The following ATOSA variants were observed in gnomAD, a reference collection of about 807,000 sequenced individuals.
The protein encoded by ATOSA is atos homolog protein A.
chr15:52,705,741 A>C, the ATOSA span, among the ~76,000 whole-genome samples: 1 of 152,168 alleles, frequency 6.6e-6, no homozygotes, highest in Non-Finnish European at 1.5e-5. Context: ...TGTCAATAGC[A>C]CCAACACCCC....
At chr15:52,613,542 T>C in the ATOSA span, 3 of 1,140,150 alleles carry the variant, frequency 2.6e-6, no homozygotes, top group Non-Finnish European at 3.6e-6. Context: ...AGGATTTGGA[T>C]TTTTTCCCTT....
the ATOSA span, among the ~76,000 whole-genome samples, chr15:52,680,183 A>G: frequency 0.023 from 3,462 of 152,126 alleles, 146 homozygotes; most frequent in African/African-American, 0.08. Flanking sequence ...ATGGCATTTC[A>G]TGTTGTGATG....
At chr15:52,685,429 GT>G in the ATOSA span, among the ~76,000 whole-genome samples, 11,254 of 143,998 alleles carry the variant, frequency 0.078, 572 homozygotes, top group Middle Eastern at 0.15. Context: ...TTTTTTTTTT[GT>G]TTTGTTTTGT....
At chr15:52,608,848 A>C in the ATOSA span, 3 of 1,608,904 alleles carry the variant, frequency 1.9e-6, no homozygotes, top group Non-Finnish European at 2.5e-6. Flanking sequence ...CATTTCCAAC[A>C]CAGTAACTTT....
the ATOSA span, chr15:52,610,487 T>A: frequency 8.0e-7 from 1 of 1,257,204 alleles, no homozygotes; most frequent in Non-Finnish European, 1.1e-6. Flanking sequence ...TATTTTTGTT[T>A]GCGTTAATTA....
the ATOSA span, among the ~76,000 whole-genome samples, chr15:52,628,502 C>G: frequency 6.6e-6 from 1 of 152,166 alleles, no homozygotes; most frequent in Non-Finnish European, 1.5e-5. Context: ...ACCTTTCTCA[C>G]TTTTGTAAAT....
chr15:52,645,012 T>G, the ATOSA span, among the ~76,000 whole-genome samples: 1 of 152,232 alleles, frequency 6.6e-6, no homozygotes, highest in African/African-American at 2.4e-5. Context: ...AAGAAGTATT[T>G]GATATTTATG....
At chr15:52,589,816 C>A in the ATOSA span, among the ~76,000 whole-genome samples, 1 of 151,510 alleles carries the variant, frequency 6.6e-6, no homozygotes, top group African/African-American at 2.4e-5. Context: ...GAGATGGAGC[C>A]TTGTTCTGTC....
chr15:52,666,289 G>A, the ATOSA span, among the ~76,000 whole-genome samples: 4 of 152,150 alleles, frequency 2.6e-5, no homozygotes, highest in African/African-American at 9.7e-5. Flanking sequence ...ACATTAGCAA[G>A]AGACATTTCC....
At chr15:52,594,507 A>G in the ATOSA span, among the ~76,000 whole-genome samples, 1 of 152,250 alleles carries the variant, frequency 6.6e-6, no homozygotes, top group South Asian at 2.1e-4. Context: ...TAATTCTTTG[A>G]AAAGAAATGC....
chr15:52,680,485 C>T, the ATOSA span, among the ~76,000 whole-genome samples: 2,821 of 151,968 alleles, frequency 0.019, 96 homozygotes, highest in African/African-American at 0.065. Context: ...TACAATGAGT[C>T]TATTATTTTC....
the ATOSA span, among the ~76,000 whole-genome samples, chr15:52,594,677 C>T: frequency 9.0e-3 from 1,375 of 152,238 alleles, 20 homozygotes; most frequent in African/African-American, 0.031. Context: ...CAATCCATAT[C>T]CTGTTGATTT....
the ATOSA span, among the ~76,000 whole-genome samples, chr15:52,665,030 C>T: frequency 7.9e-5 from 12 of 152,262 alleles, no homozygotes; most frequent in African/African-American, 2.6e-4. Flanking sequence ...AAATATTGCA[C>T]GTTCTCACTT....
the ATOSA span, among the ~76,000 whole-genome samples, chr15:52,640,279 G>A: frequency 6.6e-6 from 1 of 151,620 alleles, no homozygotes; most frequent in Non-Finnish European, 1.5e-5. Flanking sequence ...TAACAAAAAA[G>A]CTTCCAATTA....
the ATOSA span, among the ~76,000 whole-genome samples, chr15:52,655,471 G>C: frequency 6.6e-6 from 1 of 152,122 alleles, no homozygotes; most frequent in Non-Finnish European, 1.5e-5. Flanking sequence ...ACCTAATCCA[G>C]AGAAAGTGAA....
the ATOSA span, among the ~76,000 whole-genome samples, chr15:52,643,934 A>C: frequency 0.012 from 1,763 of 152,134 alleles, 32 homozygotes; most frequent in African/African-American, 0.04. Flanking sequence ...ACAAAAAAAA[A>C]CAAAAAAACC....
At chr15:52,637,434 G>A in the ATOSA span, among the ~76,000 whole-genome samples, 1 of 152,140 alleles carries the variant, frequency 6.6e-6, no homozygotes, top group East Asian at 1.9e-4. Context: ...AAATTTGCTC[G>A]TCCTCTTAAG....
chr15:52,675,184 AT>A, the ATOSA span, among the ~76,000 whole-genome samples: 1 of 152,222 alleles, frequency 6.6e-6, no homozygotes, highest in African/African-American at 2.4e-5. Flanking sequence ...GTAAAATACT[AT>A]CGTACAGTAA....
the ATOSA span, chr15:52,608,602 GACAA>G: frequency 1.9e-6 from 3 of 1,598,948 alleles, no homozygotes; most frequent in East Asian, 2.2e-5. Flanking sequence ...CTCACATGTA[GACAA>G]ACAGTCTTTT....
Sources: allele counts gnomAD v4.1 joint callset (sites outside exome capture counted in the v4.1 genomes callset), GRCh38; gene constraint gnomAD v4.1.1; transcripts MANE v1.5; gene names NCBI Gene and HGNC (gene_info 2026-07-23, HGNC 2026-07-21).